Variants in SLC25A12 observed in about 807,000 individuals in gnomAD.
SLC25A12 encodes the protein electrogenic aspartate/glutamate antiporter SLC25A12, mitochondrial.
SLC25A12 carries 32 observed loss-of-function variants against 83.3 expected under a neutral mutation model. That is an observed-to-expected ratio of 0.38 (90% CI 0.29 to 0.52). The LOEUF (loss-of-function observed/expected upper bound fraction) is 0.52, where lower values mean the gene tolerates loss of function less well. Ranked by LOEUF, SLC25A12 falls within the 20% of genes least tolerant of loss-of-function variation. SLC25A12 has a pLI of 0.84. For missense variants in SLC25A12, 611 were observed against 835.6 expected (o/e 0.73, Z 3.31); for synonymous variants, 267 against 291.1 (o/e 0.92, Z 0.84).
intron 3 of SLC25A12, chr2:171,856,440 G>T (rs751602986): frequency 2.2e-4 from 38 of 170,460 alleles, no homozygotes; most frequent in Non-Finnish European, 4.4e-4. Flanking sequence ...CCCCTATTGA[G>T]AACCACTGCT....
At chr2:171,841,993 A>C (rs547423559) in intron 5 of SLC25A12, among the ~76,000 whole-genome samples, 1 of 152,274 alleles carries the variant, frequency 6.6e-6, no homozygotes, top group East Asian at 1.9e-4. Flanking sequence ...GTTAAACAGA[A>C]TTACCATATG....
intron 17 of SLC25A12, among the ~76,000 whole-genome samples, chr2:171,786,076 A>T: frequency 6.6e-6 from 1 of 152,058 alleles, no homozygotes; most frequent in East Asian, 1.9e-4. Context: ...TATCAATTAA[A>T]TTATTTAAAG....
chr2:171,878,104 A>G (rs142492522), intron 2 of SLC25A12, among the ~76,000 whole-genome samples: 179 of 152,282 alleles, frequency 1.2e-3, no homozygotes, highest in Middle Eastern at 3.4e-3. Flanking sequence ...GAAACTGTGT[A>G]CCAGGCACTA....
intron 9 of SLC25A12, among the ~76,000 whole-genome samples, chr2:171,825,605 T>C (rs1684284373): frequency 6.6e-6 from 1 of 152,158 alleles, no homozygotes; most frequent in Admixed American, 6.5e-5. Flanking sequence ...CCTGTCTTCT[T>C]TATCCATGCC....
At chr2:171,807,881 C>T (rs991092019) in intron 13 of SLC25A12, among the ~76,000 whole-genome samples, 1 of 152,166 alleles carries the variant, frequency 6.6e-6, no homozygotes, top group Non-Finnish European at 1.5e-5. Context: ...CCACCTCTTC[C>T]AAAGCAACTC....
chr2:171,857,937 A>C (rs753664073), intron 3 of SLC25A12, among the ~76,000 whole-genome samples: 1 of 152,092 alleles, frequency 6.6e-6, no homozygotes, highest in Non-Finnish European at 1.5e-5. Flanking sequence ...AAAACTTAAC[A>C]AAAAGTGGGG....
At chr2:171,886,460 T>TC (rs1379929046) in intron 2 of SLC25A12, among the ~76,000 whole-genome samples, 5 of 151,468 alleles carry the variant, frequency 3.3e-5, no homozygotes, top group Admixed American at 2.0e-4. Context: ...TTTTTTTTTT[T>TC]TCTTTTTTGA....
intron 10 of SLC25A12, 68 bp from the exon 11 acceptor site, chr2:171,813,565 A>T (rs888771158): frequency 1.3e-6 from 2 of 1,484,686 alleles, no homozygotes; most frequent in African/African-American, 2.8e-5. Flanking sequence ...AAGGATGACA[A>T]ATCTTATCTT....
intron 2 of SLC25A12, among the ~76,000 whole-genome samples, chr2:171,888,473 GCT>G (rs1426876002): frequency 6.6e-6 from 1 of 151,524 alleles, no homozygotes; most frequent in African/African-American, 2.4e-5. Flanking sequence ...AGTGAGTCTC[GCT>G]CTGTCGCCCA....
At chr2:171,795,792 T>G (rs1287232282) in intron 13 of SLC25A12, among the ~76,000 whole-genome samples, 1 of 77,426 alleles carries the variant, frequency 1.3e-5, no homozygotes, top group Non-Finnish European at 2.6e-5. Context: ...ACCCCACAGC[T>G]GCCTCCTCCT....
At chr2:171,818,156 A>G (rs1437594618) in intron 9 of SLC25A12, among the ~76,000 whole-genome samples, 1 of 152,166 alleles carries the variant, frequency 6.6e-6, no homozygotes, top group Non-Finnish European at 1.5e-5. Context: ...CATAAATGAA[A>G]TGCTACCGCT....
At chr2:171,790,524 C>T (rs1683430358) in intron 15 of SLC25A12, among the ~76,000 whole-genome samples, 1 of 152,090 alleles carries the variant, frequency 6.6e-6, no homozygotes, top group African/African-American at 2.4e-5. Flanking sequence ...CTCTTCTGTG[C>T]CTAATTTGGT....
At chr2:171,786,256 C>T (rs919291391) in intron 17 of SLC25A12, among the ~76,000 whole-genome samples, 3 of 151,120 alleles carry the variant, frequency 2.0e-5, no homozygotes, top group Admixed American at 6.6e-5. Context: ...CGGTGGTGGG[C>T]GCCCTTAGTC....
At chr2:171,836,959 T>C (rs993045642) in intron 6 of SLC25A12, among the ~76,000 whole-genome samples, 162 bp downstream of exon 6, 7 of 139,234 alleles carry the variant, frequency 5.0e-5, no homozygotes, top group East Asian at 2.9e-4. Flanking sequence ...CACACACACA[T>C]GCACACACAC....
At chr2:171,803,772 T>A (rs1204684122) in intron 13 of SLC25A12, among the ~76,000 whole-genome samples, 1 of 151,662 alleles carries the variant, frequency 6.6e-6, no homozygotes, top group African/African-American at 2.4e-5. Context: ...ACTCTCAGCT[T>A]GGGCAACATA....
At chr2:171,835,739 T>A (rs1684540513) in intron 6 of SLC25A12, among the ~76,000 whole-genome samples, 1 of 152,210 alleles carries the variant, frequency 6.6e-6, no homozygotes, top group African/African-American at 2.4e-5. Context: ...ATTTTAATCA[T>A]AAAGGTCTAT....
At chr2:171,788,041 A>T in intron 15 of SLC25A12, 94 bp from the exon 16 acceptor site, 1 of 1,292,774 alleles carries the variant, frequency 7.7e-7, no homozygotes, top group Non-Finnish European at 1.1e-6. Flanking sequence ...AACTTCAACC[A>T]CTTGAGCGGA....
At chr2:171,876,549 G>GGC (rs1558941971) in intron 2 of SLC25A12, among the ~76,000 whole-genome samples, 4 of 143,298 alleles carry the variant, frequency 2.8e-5, no homozygotes, top group Non-Finnish European at 6.2e-5. Context: ...TTTTTGGGGG[G>GGC]GGGGGGACTC....
intron 13 of SLC25A12, among the ~76,000 whole-genome samples, chr2:171,798,361 G>A (rs1486017611): frequency 6.6e-6 from 1 of 152,192 alleles, no homozygotes; most frequent in African/African-American, 2.4e-5. Context: ...GGTTCACAAA[G>A]AGGTTGGAGG....
Sources: gnomAD v4.1 joint callset for allele counts (sites outside exome capture counted in the v4.1 genomes callset) on GRCh38, gnomAD v4.1.1 for gene constraint, MANE v1.5 for transcripts, NCBI Gene and HGNC (gene_info 2026-07-23, HGNC 2026-07-21) for gene names.